Variants in MYO18A observed in about 807,000 individuals in gnomAD.
The protein encoded by MYO18A is myosin XVIIIA.
MYO18A carries 78 observed loss-of-function variants against 235.8 expected under a neutral mutation model. The observed-to-expected ratio is 0.33, with a 90% CI of 0.28 to 0.40. The LOEUF (loss-of-function observed/expected upper bound fraction) is 0.40. Ranked by LOEUF, MYO18A falls within the 10% of genes least tolerant of loss-of-function variation. The pLI is 1.00. For synonymous variants in MYO18A, 977 were observed against 1,077.8 expected, an observed-to-expected ratio of 0.91 and a Z score of 1.83; for missense variants, 2,215 against 2,699.3, an observed-to-expected ratio of 0.82 and a Z score of 3.98.
Position 29,118,551 on chromosome 17 carries a change from C to T in MYO18A, c.1830-111G>A. On this transcript the variant is annotated intron_variant, in intron 8 of 41. Transcript: ENST00000527372. The surrounding 1 kb of genome is among the most constrained non-coding windows in gnomAD (Gnocchi z 4.2). ...CTTCCAGACTCCAAGTTTTGTCTGC[C>T]CATCATCCCATCATCCCCAACTGGC... 1 of 877,744 alleles carries T rather than the reference C, an allele frequency of 1.1e-6. No individual in the cohort carries two copies. The highest frequency in any genetic ancestry group is 1.8e-6 in the Non-Finnish European group (1 of 559,452). 54.4% of individuals were successfully genotyped at this position (877,744 alleles called of 1,614,324 possible).
At chr17:29,163,694 T>A (rs1348961600) in intron 2 of MYO18A, among the ~76,000 whole-genome samples, 1 of 152,150 alleles carries the variant, frequency 6.6e-6, no homozygotes, top group East Asian at 1.9e-4. Context: ...GCCAGGATGA[T>A]CCCTGTGCTA....
rs1286907005 is a variant in MYO18A at position 29,071,299 on chromosome 17, G to A, written c.*3471C>T. The A allele has an allele frequency of 6.6e-6, 1 of 152,362 alleles. No homozygotes were observed. The allele number at this position is 152,362 out of a possible 1,614,324, so 9.4% of individuals were successfully genotyped here. Reference sequence around the variant, plus strand: ...TTGAGCCTGGCAAAGGGCCAGATTTGCCTTCTGCAACATCTTAGGGACCAG... The same window carrying A: ...TTGAGCCTGGCAAAGGGCCAGATTTACCTTCTGCAACATCTTAGGGACCAG... On this transcript the variant is annotated 3_prime_UTR_variant, in exon 42 of 42. Transcript: ENST00000527372.
chr17:29,078,046 G>A (rs1306708980), intron 41 of MYO18A: 5 of 152,052 alleles, frequency 3.3e-5, no homozygotes, highest in East Asian at 1.9e-4. Flanking sequence ...ATGGAGTCTC[G>A]CTCTGTAGCC....
At chr17:29,130,219 G>C (rs1043480046) in intron 2 of MYO18A, among the ~76,000 whole-genome samples, 1 of 147,018 alleles carries the variant, frequency 6.8e-6, no homozygotes, top group Non-Finnish European at 1.5e-5. Context: ...AGGATGGCTT[G>C]AGCCTGGGAG....
rs1199471565 is a variant in MYO18A at position 29,109,076 on chromosome 17, T to G, written c.3331+782A>C. Among the ~76,000 whole-genome samples, 5 of 151,390 alleles carry G rather than the reference T, an allele frequency of 3.3e-5. No individual in the cohort carries two copies. Among genetic ancestry groups the G allele is most frequent in the African/African-American group, 9.7e-5 (4 of 41,144 alleles). On this transcript the variant is annotated intron_variant, in intron 19 of 41. Coordinates refer to ENST00000527372, the MANE Select transcript of MYO18A (RefSeq NM_078471.4). This position sits in a 1 kb window ranked among gnomAD's most constrained non-coding sequence, Gnocchi z 4.1. Reference sequence around the variant, plus strand: ...TGCCTGAAGGGGACCTGGCTGTGGGTGGGTGGGACCCTACCTGCTCTTCTA... The same window carrying G: ...TGCCTGAAGGGGACCTGGCTGTGGGGGGGTGGGACCCTACCTGCTCTTCTA...
rs565243344 is a variant in MYO18A, at chr17:29,166,289, G to C, written c.652C>G (p.Leu218Val). ...PPVVPLPPPT[L>V]RELELQRRPT... ...CGTCGTTGCAGCTCCAGCTCCCGGA[G>C]GGTAGGTGGGGGCAGGGGCACCACG... Residue 218 changes from leucine (L) to valine (V), a missense_variant, in exon 2 of 42, where the codon CTC (leucine) becomes GTC (valine). Transcript: ENST00000527372. The C allele has an allele frequency of 1.9e-6, 3 of 1,612,840 alleles. No homozygotes were observed. Among genetic ancestry groups the C allele is most frequent in the African/African-American group, 1.3e-5 (1 of 75,074 alleles).
In MYO18A at chr17:29,126,966, G is replaced by A. The variant is rs146021330; in HGVS notation, c.1000-4713C>T. Reference sequence around the variant, plus strand: ...GGGCTCCTCAAGAGTCCTGCTGCCAGATGGTCATGCTGGCCAGGCCTAAAG... The same window carrying A: ...GGGCTCCTCAAGAGTCCTGCTGCCAAATGGTCATGCTGGCCAGGCCTAAAG... On this transcript the variant is annotated intron_variant, in intron 2 of 41. Transcript: ENST00000527372. The surrounding 1 kb of genome is among the most constrained non-coding windows in gnomAD (Gnocchi z 4.1). Among the ~76,000 whole-genome samples the A allele has an allele frequency of 0.011, 1,606 of 152,324 alleles. 23 individuals carry two copies. The highest frequency in any genetic ancestry group is 0.037 in the Middle Eastern group (11 of 294).
chr17:29,090,389 C>A, intron 36 of MYO18A, 143 bp downstream of exon 36: 1 of 758,066 alleles, frequency 1.3e-6, no homozygotes, highest in Admixed American at 2.6e-5. Flanking sequence ...TGGCTCCAAG[C>A]CTAGCTCTTG....
At chr17:29,112,583 TA>T (rs1444952180) in intron 15 of MYO18A, among the ~76,000 whole-genome samples, 1 of 152,226 alleles carries the variant, frequency 6.6e-6, no homozygotes, top group Non-Finnish European at 1.5e-5. Flanking sequence ...TAGAAATATC[TA>T]ATTCTAATTT....
In MYO18A at chr17:29,165,934, G is replaced by A. The variant is rs2068271888; in HGVS notation, c.999+8C>T. 2 of 1,607,748 alleles carry A rather than the reference G, an allele frequency of 1.2e-6. No individual in the cohort carries two copies. Among genetic ancestry groups the A allele is most frequent in the Admixed American group, 1.7e-5 (1 of 59,730 alleles). Reference sequence around the variant, plus strand: ...CTGCTTAGCCCAGGTGCCCAGGGAAGCACTCACATCGGATGGCTCCCTGCG... The same window carrying A: ...CTGCTTAGCCCAGGTGCCCAGGGAAACACTCACATCGGATGGCTCCCTGCG... On this transcript the variant is annotated splice_region_variant and intron_variant, in intron 2 of 41. Transcript: ENST00000527372.
intron 39 of MYO18A, 118 bp from the exon 40 acceptor site, chr17:29,085,766 T>TG: frequency 9.6e-7 from 1 of 1,038,328 alleles, no homozygotes. Context: ...GAGCCAGCTC[T>TG]GGCTGGTTGA....
At chr17:29,079,110 G>A (rs1791494403) in intron 41 of MYO18A, among the ~76,000 whole-genome samples, 1 of 152,214 alleles carries the variant, frequency 6.6e-6, no homozygotes, top group Non-Finnish European at 1.5e-5. Context: ...TAATAGCTTA[G>A]GGCCACTGAT....
intron 14 of MYO18A, 75 bp downstream of exon 14, chr17:29,114,832 G>A (rs2067017479): frequency 6.9e-7 from 1 of 1,458,978 alleles, no homozygotes; most frequent in Admixed American, 2.0e-5. Flanking sequence ...GATGCCTTCT[G>A]CATCCACAGA....
intron 2 of MYO18A, among the ~76,000 whole-genome samples, chr17:29,130,299 C>CAAAAAAAAAAAAAAAAAAAAA (rs564370108): frequency 1.8e-5 from 1 of 55,914 alleles, no homozygotes; most frequent in African/African-American, 8.0e-5. Flanking sequence ...AACCCTGTCT[C>CAAAAAAAAAAAAAAAAAAAAA]AAAAAAAAAA....
rs1260961645 is a variant in MYO18A at position 29,158,878 on chromosome 17, G to C, written c.999+7064C>G. On this transcript the variant is annotated intron_variant, in intron 2 of 41. Transcript: ENST00000527372. The surrounding 1 kb of genome is among the most constrained non-coding windows in gnomAD (Gnocchi z 4.3). ...GTGTTTGCATATCTGGTATTTTCCA[G>C]AACCAGTCCAATGTAAATAAGAGAG... Among the ~76,000 whole-genome samples, 2 of 152,172 alleles carry C rather than the reference G, an allele frequency of 1.3e-5. No individual in the cohort carries two copies. Among genetic ancestry groups the C allele is most frequent in the African/African-American group, 2.4e-5 (1 of 41,442 alleles).
At chr17:29,083,623 G>A (rs995353640) in intron 40 of MYO18A, among the ~76,000 whole-genome samples, 4 of 151,752 alleles carry the variant, frequency 2.6e-5, no homozygotes, top group African/African-American at 9.7e-5. Context: ...GAATAAAGAG[G>A]CATGTTTTAT....
intron 26 of MYO18A, 36 bp downstream of exon 26, chr17:29,097,752 C>T (rs202212573): frequency 2.5e-4 from 393 of 1,568,464 alleles, no homozygotes; most frequent in East Asian, 4.3e-4. Context: ...GCTCGCATTG[C>T]GGGCCACTGC....
chr17:29,176,191 TA>T (rs376689790), intron 1 of MYO18A, among the ~76,000 whole-genome samples: 2 of 150,960 alleles, frequency 1.3e-5, no homozygotes, highest in Non-Finnish European at 3.0e-5. Context: ...TTTTCCAGAC[TA>T]AAAAAAAATG....
Position 29,166,311 on chromosome 17 carries a change from C to G in MYO18A, c.630G>C (p.Val210=), listed in dbSNP as rs778640497. The G allele has an allele frequency of 6.2e-7, 1 of 1,612,536 alleles. No individual in the cohort carries two copies. Among genetic ancestry groups the G allele is most frequent in the Non-Finnish European group, 8.5e-7 (1 of 1,179,876 alleles). ...KFPVDLRLPP[V]VPLPPPTLRE... ...GGAGGGTAGGTGGGGGCAGGGGCACCACGGGGGGCAGGCGCAGGTCGACTG... is the reference window on the plus strand; with the variant it reads ...GGAGGGTAGGTGGGGGCAGGGGCACGACGGGGGGCAGGCGCAGGTCGACTG... The change falls in exon 2 of 42, where the codon GTG becomes GTC. Residue 210 remains valine (V), a synonymous_variant. Coordinates refer to ENST00000527372, the MANE Select transcript of MYO18A (RefSeq NM_078471.4).
Sources: allele counts gnomAD v4.1 joint callset (sites outside exome capture counted in the v4.1 genomes callset), GRCh38; gene constraint gnomAD v4.1.1; non-coding constraint Gnocchi (gnomAD v3.1); transcripts MANE v1.5; gene names NCBI Gene and HGNC (gene_info 2026-07-23, HGNC 2026-07-21).